CRTC3: variants seen among roughly 807,000 people sequenced by gnomAD.
CRTC3 encodes the protein CREB regulated transcription coactivator 3.
In CRTC3, 26 loss-of-function variants were observed where a neutral mutation model predicts 74.5. That is an observed-to-expected ratio of 0.35 (90% confidence interval 0.26 to 0.48). The LOEUF is 0.48. CRTC3 is among the 20% of genes least tolerant of loss of function. The probability of loss-of-function intolerance (pLI) is 0.99; values close to 1 mark genes in which losing one functional copy is unlikely to be tolerated. For synonymous variants in CRTC3, 377 were observed against 325.8 expected, an observed-to-expected ratio of 1.16 and a Z score of -1.69; for missense variants, 760 against 787.3, an observed-to-expected ratio of 0.97 and a Z score of 0.41.
chr15:90,593,576 C>G (rs992325349), intron 2 of CRTC3, 60 bp from the exon 3 acceptor site: 1 of 1,572,316 alleles, frequency 6.4e-7, no homozygotes. Flanking sequence ...ATCAGTTGTT[C>G]TTGAGGGTGA....
chr15:90,532,146 G>C (rs142906545), intron 1 of CRTC3, among the ~76,000 whole-genome samples: 1 of 152,054 alleles, frequency 6.6e-6, no homozygotes, highest in Non-Finnish European at 1.5e-5. Flanking sequence ...AATTCTGCCC[G>C]TGTTTTCTTC....
At chr15:90,543,661 A>G (rs886974290) in intron 2 of CRTC3, among the ~76,000 whole-genome samples, 1 of 152,176 alleles carries the variant, frequency 6.6e-6, no homozygotes, top group Non-Finnish European at 1.5e-5. Context: ...CCTCTTCCGA[A>G]CTGAGAAAAA....
intron 2 of CRTC3, among the ~76,000 whole-genome samples, chr15:90,544,323 G>A (rs530939464): frequency 6.6e-6 from 1 of 152,140 alleles, no homozygotes; most frequent in African/African-American, 2.4e-5. Context: ...TTGGATTTAG[G>A]GCCTACCCTA....
At chr15:90,547,011 G>A (rs887688697) in intron 2 of CRTC3, among the ~76,000 whole-genome samples, 3 of 152,186 alleles carry the variant, frequency 2.0e-5, no homozygotes, top group African/African-American at 4.8e-5. Context: ...AGTCTTCCAC[G>A]AAGAAGACTT....
intron 1 of CRTC3, among the ~76,000 whole-genome samples, chr15:90,534,997 T>C (rs1966693693): frequency 1.3e-5 from 2 of 151,832 alleles, no homozygotes; most frequent in African/African-American, 2.4e-5. Flanking sequence ...CCGTCTCTAC[T>C]AAAAATACAA....
chr15:90,598,648 C>A, intron 3 of CRTC3: 2 of 625,542 alleles, frequency 3.2e-6, no homozygotes, highest in South Asian at 1.8e-5. Flanking sequence ...ATTAAGGGGA[C>A]AGTGATTGGT....
Position 90,638,802 on chromosome 15 carries a change from C to T in CRTC3, c.1535C>T (p.Ala512Val). 4 of 1,614,042 alleles carry T rather than the reference C, an allele frequency of 2.5e-6. No individual in the cohort carries two copies. Among genetic ancestry groups the T allele is most frequent in the Non-Finnish European group, 3.4e-6 (4 of 1,179,928 alleles). Reference protein sequence around the residue: ...FDQQSMRPGPAFPQQVPLVQQ... With the variant: ...FDQQSMRPGPVFPQQVPLVQQ... Reference sequence around the variant, plus strand: ...CAGCAGTCCATGAGGCCAGGCCCTGCCTTTCCTCAACAGGTGGGTGATCGC... The same window carrying T: ...CAGCAGTCCATGAGGCCAGGCCCTGTCTTTCCTCAACAGGTGGGTGATCGC... The change falls in exon 13 of 15, where the codon GCC becomes GTC. Residue 512 changes from alanine to valine, a missense_variant. Coordinates refer to ENST00000268184, the MANE Select transcript of CRTC3 (RefSeq NM_022769.5).
intron 2 of CRTC3, among the ~76,000 whole-genome samples, chr15:90,549,547 G>A (rs1358791573): frequency 6.6e-6 from 1 of 152,022 alleles, no homozygotes; most frequent in African/African-American, 2.4e-5. Flanking sequence ...AGGCCGAGGC[G>A]GGCAGATTGC....
chr15:90,577,672 T>C (rs887693560), intron 2 of CRTC3, among the ~76,000 whole-genome samples: 8 of 152,190 alleles, frequency 5.3e-5, no homozygotes, highest in African/African-American at 1.7e-4. Context: ...AGGTTATGTA[T>C]ACACAATGGA....
intron 3 of CRTC3, chr15:90,598,391 A>C (rs1482544560): frequency 1.4e-6 from 1 of 702,478 alleles, no homozygotes; most frequent in Non-Finnish European, 2.6e-6. Context: ...TCAGAAGAAG[A>C]AGAGCTGCTC....
At chr15:90,611,993 C>T (rs1968366281) in intron 6 of CRTC3, among the ~76,000 whole-genome samples, 2 of 151,532 alleles carry the variant, frequency 1.3e-5, no homozygotes, top group Non-Finnish European at 3.0e-5. Context: ...TTCCATCTTC[C>T]TTCTCCTTCT....
chr15:90,604,619 A>G (rs1028916234), intron 5 of CRTC3, among the ~76,000 whole-genome samples, 172 bp downstream of exon 5: 1 of 152,218 alleles, frequency 6.6e-6, no homozygotes, highest in African/African-American at 2.4e-5. Context: ...TATAGAGCAC[A>G]CGAGGTCTGG....
Position 90,642,056 on chromosome 15 carries a change from G to A in CRTC3, c.1776G>A (p.Leu592=), listed in dbSNP as rs1293603399. The change falls in exon 15 of 15, where the codon CTG becomes CTA. Residue 592 remains leucine (L), a synonymous_variant. Transcript: ENST00000268184. The part of the protein sequence containing the change: ...EEELQIEPLS[L]DGLNMLSDSS... ...AGCTGCAGATTGAACCCCTGAGCCT[G>A]GACGGACTCAACATGTTAAGTGACT... 6.2e-7 allele frequency: 1 copy of A among 1,614,036 alleles called. No individual in the cohort carries two copies. Among genetic ancestry groups the A allele is most frequent in the South Asian group, 1.1e-5 (1 of 91,090 alleles).
rs571123732 is a variant in CRTC3 at position 90,587,328 on chromosome 15, A to G, written c.232-6308A>G. Among the ~76,000 whole-genome samples the G allele has an allele frequency of 9.8e-5, 15 of 152,324 alleles. No homozygotes were observed. The South Asian group carries it at 2.7e-3, about 27-fold the overall frequency. On this transcript the variant is annotated intron_variant, in intron 2 of 14. Coordinates refer to ENST00000268184, the MANE Select transcript of CRTC3 (RefSeq NM_022769.5). Reference sequence around the variant, plus strand: ...GCTCTAAACTTCTACCTGGAAATCCACAACTCTGCTTCTTTTGGAAGATTC... The same window carrying G: ...GCTCTAAACTTCTACCTGGAAATCCGCAACTCTGCTTCTTTTGGAAGATTC...
At chr15:90,538,946 TA>T (rs1457973218) in intron 1 of CRTC3, among the ~76,000 whole-genome samples, 1 of 152,200 alleles carries the variant, frequency 6.6e-6, no homozygotes, top group East Asian at 1.9e-4. Context: ...TCCAGGTCTG[TA>T]ACAGCAGGAG....
chr15:90,584,411 A>G (rs896557970), intron 2 of CRTC3, among the ~76,000 whole-genome samples: 2 of 151,944 alleles, frequency 1.3e-5, no homozygotes, highest in African/African-American at 4.8e-5. Context: ...CTAATCTTGT[A>G]TTTTTAGTAG....
At chr15:90,624,449 G>A (rs543703462) in intron 9 of CRTC3, among the ~76,000 whole-genome samples, 6 of 151,784 alleles carry the variant, frequency 4.0e-5, no homozygotes, top group East Asian at 1.9e-4. Flanking sequence ...ATTCTCTCCC[G>A]CCTGCCTCTC....
chr15:90,635,388 T>C (rs1296091003), intron 11 of CRTC3, among the ~76,000 whole-genome samples: 2 of 152,152 alleles, frequency 1.3e-5, no homozygotes, highest in Non-Finnish European at 2.9e-5. Flanking sequence ...CTCACACCTG[T>C]AATCTCAGCA....
intron 2 of CRTC3, among the ~76,000 whole-genome samples, chr15:90,593,014 G>A (rs1399893617): frequency 2.6e-5 from 4 of 152,080 alleles, no homozygotes; most frequent in Non-Finnish European, 4.4e-5. Flanking sequence ...TTAGCTGGGC[G>A]TGGTGGCGCA....
Sources: allele counts gnomAD v4.1 joint callset (sites outside exome capture counted in the v4.1 genomes callset), GRCh38; gene constraint gnomAD v4.1.1; transcripts MANE v1.5; gene names NCBI Gene and HGNC (gene_info 2026-07-23, HGNC 2026-07-21).